Variants in DNAJB4 observed in about 807,000 individuals in gnomAD.
The protein encoded by DNAJB4 is dnaJ homolog subfamily B member 4.
Under a neutral mutation model 26.6 loss-of-function variants are expected in DNAJB4, and 10 were observed. The observed-to-expected ratio is 0.38, with a 90% CI of 0.23 to 0.64. The LOEUF (loss-of-function observed/expected upper bound fraction) is 0.64, where lower values mean the gene tolerates loss of function less well. Ranked by LOEUF, DNAJB4 falls within the 30% of genes least tolerant of loss-of-function variation. The probability of loss-of-function intolerance (pLI) is 0.58; values close to 1 mark genes in which losing one functional copy is unlikely to be tolerated. For missense variants in DNAJB4, 328 were observed against 408.2 expected, an observed-to-expected ratio of 0.80 and a Z score of 1.69; for synonymous variants, 136 against 134.8, an observed-to-expected ratio of 1.01 and a Z score of -0.06.
In DNAJB4 at chr1:77,992,412, C is replaced by CAAAA. The variant is rs67649336; in HGVS notation, c.-32+12112_-32+12115dup. The stretch of plus-strand genomic sequence containing the variant: ...TGGGCGACAGAGCGAGACTCCGTCT[C>CAAAA]AAAAAAAAAAAAAAAAAAAAAAAAA... On this transcript the variant is annotated intron_variant, in intron 1 of 2. Coordinates refer to the DNAJB4 transcript ENST00000426517. Among the ~76,000 whole-genome samples the CAAAA allele has an allele frequency of 2.8e-3, 133 of 47,594 alleles. 5 individuals are homozygous for CAAAA. The highest frequency in any genetic ancestry group is 0.025 in the Middle Eastern group (1 of 40). 31.2% of individuals were successfully genotyped at this position (47,594 alleles called of 152,430 possible).
chr1:77,998,445 C>T (rs936199506), intron 1 of DNAJB4, among the ~76,000 whole-genome samples: 24 of 152,168 alleles, frequency 1.6e-4, no homozygotes, highest in African/African-American at 5.8e-4. Flanking sequence ...ATTTCTAAAA[C>T]AATTTAAGCT....
At chr1:77,984,468 TTC>T (rs2102586041) in intron 1 of DNAJB4, among the ~76,000 whole-genome samples, 2 of 152,298 alleles carry the variant, frequency 1.3e-5, no homozygotes, top group Non-Finnish European at 2.9e-5. Flanking sequence ...TTCTTTTTTT[TTC>T]CAGAAAGCAT....
intron 2 of DNAJB4, among the ~76,000 whole-genome samples, chr1:78,014,894 C>T (rs1282847393): frequency 1.3e-5 from 2 of 152,216 alleles, no homozygotes; most frequent in African/African-American, 4.8e-5. Flanking sequence ...AGCCACCGCA[C>T]CTGGCCCAGT....
At chr1:78,010,406 T>G (rs534785971) in intron 1 of DNAJB4, among the ~76,000 whole-genome samples, 2 of 152,282 alleles carry the variant, frequency 1.3e-5, no homozygotes, top group South Asian at 4.1e-4. Context: ...TGCCATTACC[T>G]TTTTAACATT....
chr1:78,012,143 C>A (rs371230097), intron 1 of DNAJB4, among the ~76,000 whole-genome samples: 12 of 81,318 alleles, frequency 1.5e-4, no homozygotes, highest in East Asian at 3.5e-4. Flanking sequence ...GTTTTATTTT[C>A]TTTTTCTTTT....
chr1:77,996,341 A>T (rs973417165), intron 1 of DNAJB4, among the ~76,000 whole-genome samples: 2 of 152,060 alleles, frequency 1.3e-5, no homozygotes, highest in African/African-American at 2.4e-5. Flanking sequence ...TTTTGTAGGG[A>T]TGGAATTCTC....
chr1:77,983,930 A>C (rs958893693), intron 1 of DNAJB4, among the ~76,000 whole-genome samples: 2 of 152,200 alleles, frequency 1.3e-5, no homozygotes, highest in African/African-American at 4.8e-5. Context: ...AATGGCTTGC[A>C]GTTTGTTTCT....
At chr1:77,980,223 C>A (rs1294236206) in exon 1 of DNAJB4, 3 of 152,008 alleles carry the variant, frequency 2.0e-5, no homozygotes, top group Non-Finnish European at 4.4e-5. Context: ...TGTTTCTTGA[C>A]CAAAATAGAT....
Position 78,016,342 on chromosome 1 carries a change from G to T in DNAJB4, c.*95G>T. The T allele has an allele frequency of 2.8e-6, 3 of 1,073,762 alleles. No individual in the cohort carries two copies. The African/African-American group carries it at 4.8e-5, about 17-fold the overall frequency. 66.5% of individuals were successfully genotyped at this position (1,073,762 alleles called of 1,614,324 possible). A position where few individuals can be genotyped will look rare whatever the true frequency, so the allele number is the denominator to read the frequency against. On this transcript the variant is annotated 3_prime_UTR_variant, in exon 3 of 3. Transcript: ENST00000370763. ...GTAGATGTGAATTCTGTATAAAGATGTGTAAATTCTTTTGAGGGTTCATTA... is the reference window on the plus strand; with the variant it reads ...GTAGATGTGAATTCTGTATAAAGATTTGTAAATTCTTTTGAGGGTTCATTA...
At chr1:78,014,675 A>G (rs931047352) in intron 2 of DNAJB4, among the ~76,000 whole-genome samples, 1 of 151,942 alleles carries the variant, frequency 6.6e-6, no homozygotes, top group East Asian at 1.9e-4. Flanking sequence ...CTCAGCTAGT[A>G]CTGCAGCCTC....
chr1:77,991,905 A>C (rs916035771), intron 1 of DNAJB4, among the ~76,000 whole-genome samples: 2 of 152,154 alleles, frequency 1.3e-5, no homozygotes, highest in Non-Finnish European at 2.9e-5. Context: ...TGAATCAACA[A>C]TATATATTAT....
At chr1:77,995,254 T>G (rs1660033255) in intron 1 of DNAJB4, among the ~76,000 whole-genome samples, 1 of 152,232 alleles carries the variant, frequency 6.6e-6, no homozygotes, top group South Asian at 2.1e-4. Flanking sequence ...ATTTCACGTT[T>G]GTTTTTACTT....
At chr1:77,999,701 A>G (rs1457154815) in intron 1 of DNAJB4, among the ~76,000 whole-genome samples, 1 of 152,218 alleles carries the variant, frequency 6.6e-6, no homozygotes, top group African/African-American at 2.4e-5. Context: ...GTGCTGACAC[A>G]TGTACTATCT....
chr1:78,013,709 A>G, intron 2 of DNAJB4, 90 bp downstream of exon 2: 4 of 1,010,956 alleles, frequency 4.0e-6, no homozygotes, highest in Middle Eastern at 3.1e-4. Flanking sequence ...CATTTATTTA[A>G]TGCCTATTAT....
At chr1:77,986,361 CA>C (rs2102587779) in intron 1 of DNAJB4, among the ~76,000 whole-genome samples, 1 of 152,324 alleles carries the variant, frequency 6.6e-6, no homozygotes, top group African/African-American at 2.4e-5. Flanking sequence ...TTCATCCAGA[CA>C]ACTCAAACAA....
chr1:77,997,548 G>A (rs1660092680), intron 1 of DNAJB4, among the ~76,000 whole-genome samples: 1 of 151,800 alleles, frequency 6.6e-6, no homozygotes, highest in Non-Finnish European at 1.5e-5. Context: ...CTTATTTTCT[G>A]CCAGCTTCCC....
intron 1 of DNAJB4, among the ~76,000 whole-genome samples, chr1:77,999,643 GC>G (rs1660146338): frequency 6.6e-6 from 1 of 152,030 alleles, no homozygotes; most frequent in African/African-American, 2.4e-5. Context: ...AGTTTATATA[GC>G]TTAAAATACT....
chr1:78,014,887 C>T (rs1407460020), intron 2 of DNAJB4, among the ~76,000 whole-genome samples: 2 of 152,188 alleles, frequency 1.3e-5, no homozygotes, highest in Non-Finnish European at 2.9e-5. Flanking sequence ...AGGCATGAGC[C>T]ACCGCACCTG....
intron 1 of DNAJB4, among the ~76,000 whole-genome samples, chr1:78,012,303 C>T (rs1449789521): frequency 2.0e-5 from 3 of 150,926 alleles, no homozygotes; most frequent in Non-Finnish European, 4.4e-5. Flanking sequence ...GCTAGTATTA[C>T]AGGCACCTGC....
Sources: allele counts gnomAD v4.1 joint callset (sites outside exome capture counted in the v4.1 genomes callset), GRCh38; gene constraint gnomAD v4.1.1; transcripts MANE v1.5; gene names NCBI Gene and HGNC (gene_info 2026-07-23, HGNC 2026-07-21).